Variants in SLC2A9 observed in about 807,000 individuals in gnomAD.
SLC2A9 encodes solute carrier family 2 member 9.
Under a neutral mutation model 50.6 loss-of-function variants are expected in SLC2A9, and 39 were observed. That is an observed-to-expected ratio of 0.77 (90% CI 0.60 to 1.01). The LOEUF (loss-of-function observed/expected upper bound fraction) is 1.01, where lower values mean the gene tolerates loss of function less well. Among genes scored for constraint, SLC2A9 ranks in the 50% least tolerant of loss-of-function variants. SLC2A9 has a pLI of 0.00. For missense variants in SLC2A9, 686 were observed against 677.6 expected (o/e 1.01, Z -0.14); for synonymous variants, 324 against 276.9 (o/e 1.17, Z -1.69).
chr4:9,789,686 C>G (rs1348450459), intron 3 of SLC2A9, among the ~76,000 whole-genome samples: 1 of 152,228 alleles, frequency 6.6e-6, no homozygotes, highest in African/African-American at 2.4e-5. Flanking sequence ...AATATGAGTA[C>G]CCCTACTCAC....
intron 6 of SLC2A9, among the ~76,000 whole-genome samples, chr4:9,935,273 A>G (rs1746858439): frequency 6.6e-6 from 1 of 152,198 alleles, no homozygotes; most frequent in Non-Finnish European, 1.5e-5. Context: ...CATTCCCACC[A>G]ACAGTGTAAA....
chr4:9,777,301 T>G (rs1577240376), downstream of SLC2A9, among the ~76,000 whole-genome samples: 2 of 151,128 alleles, frequency 1.3e-5, no homozygotes, highest in Non-Finnish European at 3.0e-5. Context: ...CTGTTTCTTT[T>G]TTTTTTTTTT....
At chr4:9,959,448 T>G (rs1318310512) in intron 5 of SLC2A9, among the ~76,000 whole-genome samples, 1 of 150,768 alleles carries the variant, frequency 6.6e-6, no homozygotes, top group Admixed American at 6.6e-5. Flanking sequence ...GATGTCTCAA[T>G]CTTAGACATC....
chr4:9,779,817 T>C (rs555913878), exon 4 of SLC2A9: 2 of 152,112 alleles, frequency 1.3e-5, no homozygotes, highest in South Asian at 4.2e-4. Flanking sequence ...GACATGTCAG[T>C]ACTTGTTAAA....
At chr4:9,773,324 G>A (rs1717094551) in intron 1 of SLC2A9, among the ~76,000 whole-genome samples, 1 of 152,136 alleles carries the variant, frequency 6.6e-6, no homozygotes, top group African/African-American at 2.4e-5. Context: ...CTGGTGGCTG[G>A]GAGCTCAGCT....
At chr4:9,830,351 G>C (rs539575055) in intron 11 of SLC2A9, among the ~76,000 whole-genome samples, 1 of 152,274 alleles carries the variant, frequency 6.6e-6, no homozygotes, top group African/African-American at 2.4e-5. Flanking sequence ...CAATACTGGG[G>C]CCTATCAGGG....
intron 3 of SLC2A9, among the ~76,000 whole-genome samples, chr4:9,812,265 G>C (rs978336843): frequency 6.6e-6 from 1 of 152,110 alleles, no homozygotes; most frequent in African/African-American, 2.4e-5. Context: ...ACTTTATTTA[G>C]CACTTACTAT....
intron 5 of SLC2A9, among the ~76,000 whole-genome samples, chr4:9,944,418 G>A (rs1274729324): frequency 1.3e-5 from 2 of 152,222 alleles, no homozygotes; most frequent in Non-Finnish European, 2.9e-5. Context: ...CTGAAAGGCT[G>A]TTATCAAGTT....
At chr4:9,838,245 T>C (rs761917878) in intron 10 of SLC2A9, among the ~76,000 whole-genome samples, 1 of 152,138 alleles carries the variant, frequency 6.6e-6, no homozygotes, top group Non-Finnish European at 1.5e-5. Flanking sequence ...ATGATGACGA[T>C]GGTGCTTCTG....
intron 6 of SLC2A9, among the ~76,000 whole-genome samples, chr4:9,928,826 A>G (rs1301177347): frequency 6.6e-6 from 1 of 152,236 alleles, no homozygotes; most frequent in Non-Finnish European, 1.5e-5. Flanking sequence ...CTTTCTGTTT[A>G]AACATATTCC....
At chr4:9,931,486 G>A (rs1055952988) in intron 6 of SLC2A9, among the ~76,000 whole-genome samples, 1 of 152,182 alleles carries the variant, frequency 6.6e-6, no homozygotes, top group Non-Finnish European at 1.5e-5. Flanking sequence ...AAGGTTTATT[G>A]TGTACCTACT....
At chr4:9,810,660 C>G (rs1000582586) in intron 3 of SLC2A9, among the ~76,000 whole-genome samples, 9 of 152,148 alleles carry the variant, frequency 5.9e-5, no homozygotes, top group Non-Finnish European at 1.3e-4. Context: ...TTGCTGGAAG[C>G]CAAGTTATAA....
chr4:10,010,635 G>C (rs1050739656), intron 2 of SLC2A9, among the ~76,000 whole-genome samples: 3 of 152,120 alleles, frequency 2.0e-5, no homozygotes, highest in African/African-American at 7.2e-5. Context: ...TATTGTTTTA[G>C]GTGACACTTT....
intron 10 of SLC2A9, among the ~76,000 whole-genome samples, chr4:9,868,397 T>C (rs1381210257): frequency 1.3e-5 from 2 of 152,238 alleles, no homozygotes; most frequent in Non-Finnish European, 2.9e-5. Context: ...CCAGGTGACC[T>C]GATAATAATC....
Position 9,999,516 on chromosome 4 carries a change from G to A in SLC2A9, c.250-2575C>T, listed in dbSNP as rs548056887. ...GGTAGGAAAGTGTTCCAGGCAGAGGGAGAATTATGCCAAGACAGCAGGACA... is the reference window on the plus strand; with the variant it reads ...GGTAGGAAAGTGTTCCAGGCAGAGGAAGAATTATGCCAAGACAGCAGGACA... On this transcript the variant is annotated intron_variant, in intron 2 of 11. Coordinates refer to ENST00000264784, the MANE Select transcript of SLC2A9 (RefSeq NM_020041.3). Among the ~76,000 whole-genome samples, 152 of 152,300 alleles carry A rather than the reference G, an allele frequency of 1.0e-3. 3 individuals carry two copies. The South Asian group carries it at 0.031, about 31-fold the overall frequency.
chr4:9,821,724 T>C (rs73223786), downstream of SLC2A9, among the ~76,000 whole-genome samples: 23,909 of 152,104 alleles, frequency 0.16, 2,496 homozygotes, highest in African/African-American at 0.3. Context: ...TTTTCTTGTA[T>C]TATTTTGGTA....
intron 10 of SLC2A9, among the ~76,000 whole-genome samples, chr4:9,880,736 G>A (rs1244433138): frequency 6.6e-6 from 1 of 152,180 alleles, no homozygotes; most frequent in South Asian, 2.1e-4. Flanking sequence ...AAGATAACTC[G>A]AGAAGCATTA....
chr4:9,800,986 A>C (rs1240204565), intron 3 of SLC2A9, among the ~76,000 whole-genome samples: 3 of 152,160 alleles, frequency 2.0e-5, no homozygotes, highest in African/African-American at 4.8e-5. Flanking sequence ...GGTTCTTCTC[A>C]TGGATGCCAC....
chr4:10,034,382 C>A (rs1578394278), intron 1 of SLC2A9: 1 of 152,330 alleles, frequency 6.6e-6, no homozygotes, highest in African/African-American at 2.4e-5. Flanking sequence ...TTTCGAGGTC[C>A]CCTGGGGGAG....
Sources: gnomAD v4.1 joint callset for allele counts (sites outside exome capture counted in the v4.1 genomes callset) on GRCh38, gnomAD v4.1.1 for gene constraint, MANE v1.5 for transcripts, NCBI Gene and HGNC (gene_info 2026-07-23, HGNC 2026-07-21) for gene names.